Variants in ACADM observed in about 807,000 individuals in gnomAD.
ACADM encodes the protein medium-chain specific acyl-CoA dehydrogenase, mitochondrial.
ACADM carries 49 observed loss-of-function variants against 58.9 expected under a neutral mutation model. The ratio of observed to expected loss-of-function variants is 0.83; its 90% CI spans 0.66 to 1.06. ACADM has a LOEUF of 1.06. Among genes scored for constraint, ACADM ranks in the 50% least tolerant of loss-of-function variants. ACADM has a pLI of 0.00. For missense variants in ACADM, 496 were observed against 507.0 expected (o/e 0.98, Z 0.21); for synonymous variants, 160 against 157.7 (o/e 1.01, Z -0.11).
At position 75,756,665 on chromosome 1, in the gene ACADM, C is replaced by T. The variant is rs551597819; in HGVS notation, c.946-4457C>T. Among the ~76,000 whole-genome samples the T allele has an allele frequency of 2.0e-5, 3 of 152,256 alleles. No individual in the cohort carries two copies. In the East Asian group the frequency reaches 5.8e-4, roughly 29 times the overall value. ...GGTAATTTATAGATTCAGTGCCATC[C>T]CCTTCAAGCTACCAATGACTTTCTT... On this transcript the variant is annotated intron_variant, in intron 10 of 11. Coordinates refer to ENST00000370841, the MANE Select transcript of ACADM (RefSeq NM_000016.6).
Position 75,732,661 on chromosome 1 carries a change from A to G in ACADM, c.136A>G (p.Lys46Glu), listed in dbSNP as rs989908970. 2.5e-6 allele frequency: 4 copies of G among 1,613,956 alleles called. No homozygotes were observed. The highest frequency in any genetic ancestry group is 1.3e-5 in the African/African-American group (1 of 75,048). ...TCCCTTAGAGTTCACCGAACAGCAG[A>G]AAGAATTTCAAGCTACTGCTCGTAA... is the stretch of plus-strand genomic sequence containing the variant. ...GFSFEFTEQQKEFQATARKFA... is the reference protein window; with the variant it reads ...GFSFEFTEQQEEFQATARKFA... Residue 46 changes from lysine to glutamate, a missense_variant, in exon 3 of 12, where the codon AAA becomes GAA. By Grantham distance (56) the Lys-to-Glu change is moderately conservative. Transcript: ENST00000370841.
intron 11 of ACADM, 104 bp from the exon 12 acceptor site, chr1:75,762,588 G>A (rs1039627944): frequency 3.7e-5 from 28 of 751,402 alleles, no homozygotes; most frequent in Admixed American, 1.7e-4. Flanking sequence ...GGTTTGATTC[G>A]GTTTTATATT....
chr1:75,757,609 G>T (rs759916596), intron 10 of ACADM, among the ~76,000 whole-genome samples: 23 of 152,188 alleles, frequency 1.5e-4, no homozygotes, highest in Non-Finnish European at 2.9e-4. Flanking sequence ...CTGTTGGTGG[G>T]ACTGTAAACT....
rs778757873 is a variant in ACADM, at chr1:75,732,711, A to G, written c.186A>G (p.Pro62=). 6 of 1,613,906 alleles carry G rather than the reference A, an allele frequency of 3.7e-6. No homozygotes were observed. Among genetic ancestry groups the G allele is most frequent in the South Asian group, 1.1e-5 (1 of 91,090 alleles). Residue 62 remains proline (P), a synonymous_variant, in exon 3 of 12, where the codon CCA becomes CCG. Transcript: ENST00000370841. ...ARKFAREEII[P]VAAEYDKTGE... ...AATTTGCCAGAGAGGAAATCATCCC[A>G]GTGGCTGCAGAATATGATAAAACTG...
chr1:75,753,709 T>C (rs1175794450), intron 10 of ACADM, among the ~76,000 whole-genome samples: 3 of 151,450 alleles, frequency 2.0e-5, no homozygotes, highest in African/African-American at 7.3e-5. Flanking sequence ...TTTTCCTTAC[T>C]GCTTAACTCA....
intron 7 of ACADM, among the ~76,000 whole-genome samples, chr1:75,740,820 A>G (rs1397854032): frequency 6.6e-6 from 1 of 152,224 alleles, no homozygotes; most frequent in Non-Finnish European, 1.5e-5. Context: ...ACATTTTAAA[A>G]CATGTATTGA....
chr1:75,731,161 C>G (rs1221735872), intron 2 of ACADM, among the ~76,000 whole-genome samples: 1 of 151,394 alleles, frequency 6.6e-6, no homozygotes, highest in Non-Finnish European at 1.5e-5. Context: ...CACCTGTAGT[C>G]CCAGCTGCTC....
intron 2 of ACADM, among the ~76,000 whole-genome samples, chr1:75,729,529 A>T (rs1293801873): frequency 6.8e-6 from 1 of 146,398 alleles, no homozygotes; most frequent in Non-Finnish European, 1.5e-5. Context: ...TTTGAGACAG[A>T]GTCTCACTCT....
At chr1:75,729,185 T>TA (rs1258882299) in intron 2 of ACADM, among the ~76,000 whole-genome samples, 1 of 151,456 alleles carries the variant, frequency 6.6e-6, no homozygotes, top group African/African-American at 2.4e-5. Flanking sequence ...TTATTTTTTT[T>TA]ATTATTTGTT....
Position 75,746,505 on chromosome 1 carries a change from G to A in ACADM, c.708+591G>A, listed in dbSNP as rs1446073295. Among the ~76,000 whole-genome samples, 38 of 151,846 alleles carry A rather than the reference G, an allele frequency of 2.5e-4. 1 individual carries two copies. The highest frequency in any genetic ancestry group is 2.5e-3 in the Admixed American group (38 of 15,266). ...TGTGGAGATAAATTTGGCATTTAAA[G>A]TAGACTAAAGAGAAAAGAGTTTAAA... On this transcript the variant is annotated intron_variant, in intron 8 of 11. Transcript: ENST00000370841.
At chr1:75,728,231 C>G (rs41300325) in intron 1 of ACADM, among the ~76,000 whole-genome samples, 170 bp from the exon 2 acceptor site, 1 of 152,262 alleles carries the variant, frequency 6.6e-6, no homozygotes, top group Non-Finnish European at 1.5e-5. Context: ...ATTTATATAA[C>G]TGATAATTGG....
chr1:75,733,751 G>A, intron 5 of ACADM, 123 bp downstream of exon 5: 4 of 773,646 alleles, frequency 5.2e-6, no homozygotes, highest in Non-Finnish European at 9.0e-6. Context: ...TAAGGTTAGT[G>A]GGTACACACA....
intron 11 of ACADM, 110 bp downstream of exon 11, chr1:75,761,480 CT>C: frequency 6.6e-6 from 8 of 1,216,596 alleles, no homozygotes; most frequent in South Asian, 2.5e-5. Context: ...CAATAAATGA[CT>C]GTCATATATG....
intron 10 of ACADM, chr1:75,750,929 A>G (rs918363985): frequency 1.3e-5 from 4 of 312,776 alleles, no homozygotes; most frequent in South Asian, 2.9e-5. Flanking sequence ...TTGTATTTTT[A>G]GTAGAGATGG....
At position 75,749,343 on chromosome 1, in the gene ACADM, C is replaced by T. The variant is rs552308716; in HGVS notation, c.709-76C>T. The T allele has an allele frequency of 3.3e-6, 5 of 1,493,968 alleles. No homozygotes were observed. The East Asian group carries it at 7.0e-5, about 21-fold the overall frequency. The allele number at this position is 1,493,968 out of a possible 1,614,324, so 92.5% of individuals were successfully genotyped here. A position where few individuals can be genotyped will look rare whatever the true frequency, so the allele number is the denominator to read the frequency against. On this transcript the variant is annotated intron_variant, in intron 8 of 11. Coordinates refer to ENST00000370841, the MANE Select transcript of ACADM (RefSeq NM_000016.6). Reference sequence around the variant, plus strand: ...CCTGTTTTAGGTAATTGCAGAAAGTCATGAAACAGTGATTAAAGCAAAAAT... The same window carrying T: ...CCTGTTTTAGGTAATTGCAGAAAGTTATGAAACAGTGATTAAAGCAAAAAT...
At chr1:75,755,388 C>T (rs758025653) in intron 10 of ACADM, among the ~76,000 whole-genome samples, 6 of 152,130 alleles carry the variant, frequency 3.9e-5, no homozygotes, top group African/African-American at 9.7e-5. Flanking sequence ...CTCATACGTC[C>T]GGGTGCCCCT....
intron 8 of ACADM, among the ~76,000 whole-genome samples, chr1:75,746,193 G>T (rs1647889966): frequency 6.6e-6 from 1 of 152,130 alleles, no homozygotes; most frequent in African/African-American, 2.4e-5. Context: ...TATATTACCT[G>T]ACCAATAATA....
intron 7 of ACADM, chr1:75,744,396 G>A (rs528935766): frequency 5.9e-6 from 9 of 1,518,782 alleles, no homozygotes; most frequent in South Asian, 4.5e-5. Context: ...CATCAGGTAC[G>A]AAAAGAGCTT....
At chr1:75,731,139 C>T (rs976546115) in intron 2 of ACADM, among the ~76,000 whole-genome samples, 1 of 151,608 alleles carries the variant, frequency 6.6e-6, no homozygotes, top group Non-Finnish European at 1.5e-5. Flanking sequence ...ATTAGCCGGG[C>T]GCGGTGGCAG....
Sources: allele counts gnomAD v4.1 joint callset (sites outside exome capture counted in the v4.1 genomes callset), GRCh38; gene constraint gnomAD v4.1.1; transcripts MANE v1.5; gene names NCBI Gene and HGNC (gene_info 2026-07-23, HGNC 2026-07-21).